ADAM29: variants seen among roughly 807,000 people sequenced by gnomAD.
ADAM29 encodes ADAM metallopeptidase domain 29.
For missense variants in ADAM29, 969 were observed against 1,001.8 expected, an observed-to-expected ratio of 0.97 and a Z score of 0.44; for synonymous variants, 367 against 342.3, an observed-to-expected ratio of 1.07 and a Z score of -0.80.
At chr4:174,934,611 T>A (rs1320583093) in intron 3 of ADAM29, among the ~76,000 whole-genome samples, 1 of 152,190 alleles carries the variant, frequency 6.6e-6, no homozygotes, top group South Asian at 2.1e-4. Context: ...CATCTTATTA[T>A]TTTTTCACTA....
In ADAM29 at chr4:174,973,803, T is replaced by G. The variant is rs907006122; in HGVS notation, c.-180-1543T>G. On this transcript the variant is annotated intron_variant, in intron 4 of 4. Coordinates refer to ENST00000359240, the MANE Select transcript of ADAM29 (RefSeq NM_014269.4). ...AGGCCATTCAAGTCATTGGGCCACT[T>G]TGACGCCTGAAGATGGAAGGAACAA... is the stretch of plus-strand genomic sequence containing the variant. Among the ~76,000 whole-genome samples, 3 of 152,214 alleles carry G rather than the reference T, an allele frequency of 2.0e-5. No homozygotes were observed. In the East Asian group the frequency reaches 5.8e-4, roughly 29 times the overall value.
chr4:174,977,092 G>T lies in ADAM29; in HGVS notation c.1567G>T (p.Glu523Ter), dbSNP rs1376385849. 1 of 1,613,904 alleles carries T rather than the reference G, an allele frequency of 6.2e-7. No individual in the cohort carries two copies. The highest frequency in any genetic ancestry group is 2.2e-5 in the East Asian group (1 of 44,902). The change falls in exon 5 of 5, where the codon GAA (glutamate) becomes TAA (stop). Residue 523 changes from glutamate (E) to a stop codon, truncating the protein, a stop_gained. Coordinates refer to ENST00000359240, the MANE Select transcript of ADAM29 (RefSeq NM_014269.4). LOFTEE classifies it low-confidence loss of function (END_TRUNC). ...ANTASETCYK[E>*]LNTLGDRVGH... is the part of the protein sequence containing the mutation. ...TACTGCAAGTGAGACTTGCTACAAA[G>T]AATTGAACACCTTAGGTGACCGTGT...
chr4:174,967,246 C>G (rs573469488), intron 4 of ADAM29, among the ~76,000 whole-genome samples: 119 of 152,232 alleles, frequency 7.8e-4, no homozygotes, highest in Non-Finnish European at 1.2e-3. Flanking sequence ...TCTCAACATT[C>G]TAATTAAATG....
Position 174,977,680 on chromosome 4 carries a change from G to T in ADAM29, c.2155G>T (p.Glu719Ter). 2 of 1,614,230 alleles carry T rather than the reference G, an allele frequency of 1.2e-6. No individual in the cohort carries two copies. The highest frequency in any genetic ancestry group is 2.2e-5 in the South Asian group (2 of 91,080). ...DVQTPSAKEE[E>*]KIQRRPHELP... ...TCAAACTCCATCTGCAAAAGAAGAG[G>T]AAAAAATTCAGCGTCGACCTCATGA... The change falls in exon 5 of 5, where the codon GAA (glutamate) becomes TAA (stop). Residue 719 changes from glutamate to a stop codon, truncating the protein, a stop_gained. Transcript: ENST00000359240. LOFTEE classifies it low-confidence loss of function (END_TRUNC).
At chr4:174,924,506 A>C (rs1743374580) in intron 2 of ADAM29, among the ~76,000 whole-genome samples, 1 of 152,244 alleles carries the variant, frequency 6.6e-6, no homozygotes, top group South Asian at 2.1e-4. Context: ...AAAAACCTGC[A>C]TGTCAATGTA....
chr4:174,956,007 C>T (rs1745476991), intron 4 of ADAM29, among the ~76,000 whole-genome samples: 2 of 152,028 alleles, frequency 1.3e-5, no homozygotes. Context: ...TCCTATTGTG[C>T]TCAGGACAGA....
rs1316540315 is a variant in ADAM29 at position 174,977,757 on chromosome 4, T to C, written c.2232T>C (p.Pro744=). Residue 744 remains proline, a synonymous_variant, in exon 5 of 5, where the codon CCT becomes CCC. Transcript: ENST00000359240. The part of the protein sequence containing the change: ...PWVMPSQSQP[P]VTPSQSHPQV... ...TGATGCCTTCCCAGAGTCAACCTCC[T>C]GTGACGCCTTCCCAGAGTCATCCTC... 3 of 1,603,808 alleles carry C rather than the reference T, an allele frequency of 1.9e-6. No homozygotes were observed. Among genetic ancestry groups the C allele is most frequent in the Admixed American group, 3.3e-5 (2 of 59,738 alleles).
At chr4:174,931,423 T>C (rs1166707747) in intron 3 of ADAM29, 1 of 152,214 alleles carries the variant, frequency 6.6e-6, no homozygotes, top group Non-Finnish European at 1.5e-5. Flanking sequence ...ATTCTCAGAT[T>C]CATTGAATTT....
chr4:174,948,339 G>T (rs1461616059), intron 4 of ADAM29, among the ~76,000 whole-genome samples: 2 of 152,120 alleles, frequency 1.3e-5, no homozygotes, highest in Non-Finnish European at 2.9e-5. Flanking sequence ...GGGGTATTTT[G>T]CTTTTATCTT....
intron 4 of ADAM29, among the ~76,000 whole-genome samples, chr4:174,972,730 A>C (rs904818416): frequency 6.6e-5 from 10 of 152,106 alleles, no homozygotes; most frequent in African/African-American, 2.4e-4. Context: ...CTAGACTGTG[A>C]TAGGCCTCTC....
chr4:174,966,422 A>T (rs1746163437), intron 4 of ADAM29, among the ~76,000 whole-genome samples: 1 of 152,198 alleles, frequency 6.6e-6, no homozygotes, highest in South Asian at 2.1e-4. Flanking sequence ...ATCCATGCTG[A>T]AACTAAATAT....
chr4:174,943,001 A>G (rs1413249666), intron 4 of ADAM29, among the ~76,000 whole-genome samples: 1 of 152,180 alleles, frequency 6.6e-6, no homozygotes, highest in Non-Finnish European at 1.5e-5. Context: ...ACTTTAAATC[A>G]TCTCTCTCAA....
chr4:174,968,088 A>G (rs983482943), intron 4 of ADAM29, among the ~76,000 whole-genome samples: 3 of 152,118 alleles, frequency 2.0e-5, no homozygotes, highest in African/African-American at 7.2e-5. Context: ...TTCTAAGTAC[A>G]TTGCAGGTGT....
At chr4:174,964,431 A>C (rs989851252) in intron 4 of ADAM29, among the ~76,000 whole-genome samples, 1 of 152,152 alleles carries the variant, frequency 6.6e-6, no homozygotes, top group Non-Finnish European at 1.5e-5. Context: ...TAGGCCACTC[A>C]GTCTGTGATA....
In ADAM29 at chr4:174,976,205, T is replaced by C. The variant is rs115537267; in HGVS notation, c.680T>C (p.Val227Ala). 1 of 1,607,092 alleles carries C rather than the reference T, an allele frequency of 6.2e-7. No homozygotes were observed. Among genetic ancestry groups the C allele is most frequent in the East Asian group, 2.2e-5 (1 of 44,858 alleles). The change falls in exon 5 of 5, where the codon GTT becomes GCT. Residue 227 changes from valine (V) to alanine (A), a missense_variant. Transcript: ENST00000359240. ...NDSKLLEDLY[V>A]IVNIVDSILD... ...TCAAAGTTGCTGGAGGATCTATATGTTATTGTTAATATAGTGGATTCCATT... is the reference window on the plus strand; with the variant it reads ...TCAAAGTTGCTGGAGGATCTATATGCTATTGTTAATATAGTGGATTCCATT...
At chr4:174,933,678 C>G (rs1174737815) in intron 3 of ADAM29, among the ~76,000 whole-genome samples, 1 of 152,250 alleles carries the variant, frequency 6.6e-6, no homozygotes, top group East Asian at 1.9e-4. Flanking sequence ...CTCTTTGTGT[C>G]CATATGTTCT....
intron 4 of ADAM29, among the ~76,000 whole-genome samples, chr4:174,962,380 G>T (rs183504694): frequency 7.9e-5 from 12 of 151,728 alleles, no homozygotes; most frequent in East Asian, 1.9e-4. Context: ...GGCGTGGTGG[G>T]GGGCGCCTGT....
intron 4 of ADAM29, among the ~76,000 whole-genome samples, chr4:174,962,034 G>A (rs535760821): frequency 9.3e-4 from 142 of 152,156 alleles, no homozygotes; most frequent in African/African-American, 3.3e-3. Flanking sequence ...TGTTGTAATA[G>A]AAAGACAAGG....
chr4:174,971,336 T>C (rs1746469838), intron 4 of ADAM29, among the ~76,000 whole-genome samples: 1 of 152,200 alleles, frequency 6.6e-6, no homozygotes, highest in Non-Finnish European at 1.5e-5. Flanking sequence ...GGTGTTGCTG[T>C]TTAGTATCCC....
Sources: gnomAD v4.1 joint callset for allele counts (sites outside exome capture counted in the v4.1 genomes callset) on GRCh38, gnomAD v4.1.1 for gene constraint, MANE v1.5 for transcripts, NCBI Gene and HGNC (gene_info 2026-07-23, HGNC 2026-07-21) for gene names.